The following LRP2 variants were observed in gnomAD, a reference collection of about 807,000 sequenced individuals.
The protein encoded by LRP2 is LDL receptor related protein 2, also known as low-density lipoprotein receptor-related protein 2.
LRP2 carries 172 observed loss-of-function variants against 531.0 expected under a neutral mutation model. That is an observed-to-expected ratio of 0.32 (90% CI 0.29 to 0.37). The LOEUF (loss-of-function observed/expected upper bound fraction) is 0.37, where lower values mean the gene tolerates loss of function less well. Among genes scored for constraint, LRP2 ranks in the 10% least tolerant of loss-of-function variants. The probability of loss-of-function intolerance (pLI) is 1.00; values close to 1 mark genes in which losing one functional copy is unlikely to be tolerated. For missense variants in LRP2, 5,167 were observed against 5,868.3 expected, an observed-to-expected ratio of 0.88 and a Z score of 3.90; for synonymous variants, 1,992 against 2,027.6, an observed-to-expected ratio of 0.98 and a Z score of 0.47.
chr2:169,207,791 C>A (rs1475439631), intron 38 of LRP2, among the ~76,000 whole-genome samples: 1 of 152,104 alleles, frequency 6.6e-6, no homozygotes, highest in Non-Finnish European at 1.5e-5. Flanking sequence ...CTAAAAGTGA[C>A]CAAAAGTCCA....
chr2:169,284,452 A>T (rs1290326922), intron 9 of LRP2, among the ~76,000 whole-genome samples: 1 of 151,438 alleles, frequency 6.6e-6, no homozygotes, highest in East Asian at 1.9e-4. Flanking sequence ...TTTTTAGTAG[A>T]GACGGCATTT....
At chr2:169,280,602 T>G (rs142220912) in intron 10 of LRP2, 83 bp from the exon 11 acceptor site, 2 of 1,343,394 alleles carry the variant, frequency 1.5e-6, no homozygotes, top group East Asian at 2.4e-5. Context: ...TGCTTTCTGC[T>G]TTTTCAAATG....
chr2:169,128,549 CA>C lies in LRP2; in HGVS notation c.*113del. The C allele has an allele frequency of 1.8e-6, 2 of 1,082,474 alleles. No individual in the cohort carries two copies. Among genetic ancestry groups the C allele is most frequent in the Non-Finnish European group, 2.8e-6 (2 of 716,698 alleles). The allele number at this position is 1,082,474 out of a possible 1,614,324, so 67.1% of individuals were successfully genotyped here. A position where few individuals can be genotyped will look rare whatever the true frequency, so the allele number is the denominator to read the frequency against. ...CAGGATACCTCCAACTATAGGCAAA[CA>C]GGGAAAAATATATTTTTTTCATAAA... On this transcript the variant is annotated 3_prime_UTR_variant, in exon 79 of 79. Transcript: ENST00000649046.
Position 169,243,509 on chromosome 2 carries a change from T to G in LRP2, c.3444A>C (p.Thr1148=), listed in dbSNP as rs147495264. 1.2e-6 allele frequency: 2 copies of G among 1,614,192 alleles called. No homozygotes were observed. Among genetic ancestry groups the G allele is most frequent in the African/African-American group, 1.3e-5 (1 of 75,060 alleles). ...SDEKNCNSTE[T]CQPSQFNCPN... Reference sequence around the variant, plus strand: ...GGCAATTAAACTGACTAGGTTGGCATGTCTCTGTCGAATCTAATGTCATCC... The same window carrying G: ...GGCAATTAAACTGACTAGGTTGGCAGGTCTCTGTCGAATCTAATGTCATCC... The change falls in exon 23 of 79, where the codon ACA becomes ACC. Residue 1148 remains threonine (T), a synonymous_variant. Transcript: ENST00000649046.
intron 1 of LRP2, among the ~76,000 whole-genome samples, chr2:169,354,264 C>G (rs1281127763): frequency 6.6e-6 from 1 of 152,136 alleles, no homozygotes; most frequent in African/African-American, 2.4e-5. Context: ...ATCAGTAGAT[C>G]AGTGAGGAAA....
intron 44 of LRP2, among the ~76,000 whole-genome samples, chr2:169,200,021 T>C (rs551300275): frequency 1.8e-3 from 275 of 152,116 alleles, no homozygotes; most frequent in Non-Finnish European, 2.8e-3. Flanking sequence ...GAGGCCAAGG[T>C]GGGCGGATCA....
intron 50 of LRP2, 72 bp downstream of exon 50, chr2:169,185,431 C>T: frequency 6.7e-7 from 1 of 1,488,334 alleles, no homozygotes. Flanking sequence ...AAATTAATTT[C>T]CTATCAAGAT....
rs75041401 is a variant in LRP2 at position 169,295,664 on chromosome 2, G to T, written c.428-954C>A. 6.7e-3 allele frequency among the ~76,000 whole-genome samples: 1,015 copies of T among 152,182 alleles called. 10 individuals are homozygous for T. The highest frequency in any genetic ancestry group is 0.031 in the Middle Eastern group (9 of 292). ...AGAATCCCCAACAATTAGTACAGGG[G>T]TGGGACATTTCTCACTGTGCACACT... On this transcript the variant is annotated intron_variant, in intron 4 of 78. Coordinates refer to ENST00000649046, the MANE Select transcript of LRP2 (RefSeq NM_004525.3).
chr2:169,162,707 C>T (rs1686635312), intron 62 of LRP2, 107 bp from the exon 63 acceptor site: 1 of 1,166,830 alleles, frequency 8.6e-7, no homozygotes, highest in Non-Finnish European at 1.2e-6. Flanking sequence ...AAGTGCTTCC[C>T]TACATTTCCC....
At chr2:169,356,181 C>G (rs1685981724) in intron 1 of LRP2, among the ~76,000 whole-genome samples, 1 of 152,230 alleles carries the variant, frequency 6.6e-6, no homozygotes, top group Non-Finnish European at 1.5e-5. Context: ...GCATGAGCCA[C>G]CACACCCAGC....
In LRP2 at chr2:169,157,957, T is replaced by TAAAAAAAA. The variant is rs60891675; in HGVS notation, c.11888-456_11888-455insTTTTTTTT. 6.0e-3 allele frequency among the ~76,000 whole-genome samples: 873 copies of TAAAAAAAA among 146,060 alleles called. 61 individuals are homozygous for TAAAAAAAA. The East Asian group carries it at 0.15, about 25-fold the overall frequency. ...ATAAATAAATAAATAAATAAATAAATAAAAGACATGGATACAGATAGGTTA... is the reference window on the plus strand; with the variant it reads ...ATAAATAAATAAATAAATAAATAAATAAAAAAAAAAAAGACATGGATACAGATAGGTTA... On this transcript the variant is annotated intron_variant, in intron 63 of 78. Transcript: ENST00000649046.
intron 77 of LRP2, 73 bp downstream of exon 77, chr2:169,132,501 A>G: frequency 2.4e-6 from 2 of 829,348 alleles, no homozygotes; most frequent in Non-Finnish European, 4.3e-6. Context: ...TTGTTTGCTT[A>G]AGGTTAATAA....
intron 1 of LRP2, among the ~76,000 whole-genome samples, chr2:169,321,863 G>C (rs185132375): frequency 6.6e-6 from 1 of 152,246 alleles, no homozygotes; most frequent in East Asian, 1.9e-4. Flanking sequence ...ACTTAAACAA[G>C]CTCACTTCAC....
intron 1 of LRP2, 82 bp downstream of exon 1, chr2:169,362,239 T>C: frequency 8.1e-7 from 1 of 1,241,826 alleles, no homozygotes; most frequent in Non-Finnish European, 1.1e-6. Context: ...CCGGACGCTC[T>C]CCCCTCCGGC....
intron 15 of LRP2, 74 bp from the exon 16 acceptor site, chr2:169,271,181 C>T: frequency 1.1e-6 from 1 of 928,192 alleles, no homozygotes; most frequent in Non-Finnish European, 1.7e-6. Context: ...CAGATAAATG[C>T]ATCCACAGAG....
intron 31 of LRP2, among the ~76,000 whole-genome samples, chr2:169,230,447 A>C (rs1344958795): frequency 1.3e-5 from 2 of 152,202 alleles, no homozygotes; most frequent in Non-Finnish European, 2.9e-5. Context: ...TCTGCATAAT[A>C]TCTAAACACT....
chr2:169,158,678 C>A (rs947788710), intron 63 of LRP2, among the ~76,000 whole-genome samples: 1 of 151,550 alleles, frequency 6.6e-6, no homozygotes, highest in Non-Finnish European at 1.5e-5. Flanking sequence ...TGAAAAACTC[C>A]ATTTAGTATA....
chr2:169,268,413 T>C (rs1442227025), intron 16 of LRP2, among the ~76,000 whole-genome samples: 1 of 152,122 alleles, frequency 6.6e-6, no homozygotes. Flanking sequence ...TCCACCATGA[T>C]CAAGTGGGCT....
At chr2:169,130,775 A>G (rs1425766262) in intron 77 of LRP2, among the ~76,000 whole-genome samples, 1 of 152,210 alleles carries the variant, frequency 6.6e-6, no homozygotes, top group Non-Finnish European at 1.5e-5. Context: ...CATGGAAGAC[A>G]CATTTTAGAG....
Sources: allele counts gnomAD v4.1 joint callset (sites outside exome capture counted in the v4.1 genomes callset), GRCh38; gene constraint gnomAD v4.1.1; transcripts MANE v1.5; gene names NCBI Gene and HGNC (gene_info 2026-07-23, HGNC 2026-07-21).